Variants in MARCHF4 observed in about 807,000 individuals in gnomAD.
MARCHF4 encodes the protein membrane associated ring-CH-type finger 4, also known as E3 ubiquitin-protein ligase MARCHF4.
In MARCHF4, 14 loss-of-function variants were observed where a neutral mutation model predicts 43.9. The ratio of observed to expected loss-of-function variants is 0.32; its 90% confidence interval spans 0.21 to 0.50. The LOEUF is 0.50. Ranked by LOEUF, MARCHF4 falls within the 20% of genes least tolerant of loss-of-function variation. The pLI is 0.98. For missense variants in MARCHF4, 468 were observed against 536.7 expected (o/e 0.87, Z 1.27); for synonymous variants, 226 against 213.3 (o/e 1.06, Z -0.52).
At chr2:216,354,947 C>CTT (rs1255676804) in intron 1 of MARCHF4, among the ~76,000 whole-genome samples, 2 of 140,186 alleles carry the variant, frequency 1.4e-5, no homozygotes, top group Non-Finnish European at 3.0e-5. Context: ...TTCTTTCTTT[C>CTT]TTTCTTTCTT....
chr2:216,283,823 A>G (rs2249264), intron 1 of MARCHF4, 94 bp from the exon 2 acceptor site: 763,778 of 1,375,622 alleles, frequency 0.56, 215,033 homozygotes, highest in African/African-American at 0.8. Flanking sequence ...GCCTGGTTTG[A>G]GCCACCCAAG....
chr2:216,321,760 G>A (rs1428782942), intron 1 of MARCHF4: 1 of 152,166 alleles, frequency 6.6e-6, no homozygotes, highest in Admixed American at 6.5e-5. Flanking sequence ...CTTCCAATAT[G>A]TCTTCTGGAC....
chr2:216,275,150 A>G (rs536210679), intron 3 of MARCHF4, among the ~76,000 whole-genome samples: 1 of 152,360 alleles, frequency 6.6e-6, no homozygotes, highest in South Asian at 2.1e-4. Flanking sequence ...GCTTCTCCCA[A>G]TAAATTGAAG....
chr2:216,269,582 G>A (rs764670387), intron 3 of MARCHF4, among the ~76,000 whole-genome samples: 3 of 152,120 alleles, frequency 2.0e-5, no homozygotes, highest in East Asian at 1.9e-4. Context: ...TAACAGTTTC[G>A]GCAAACCTTT....
intron 1 of MARCHF4, among the ~76,000 whole-genome samples, chr2:216,302,622 G>C (rs537744002): frequency 6.6e-6 from 1 of 151,958 alleles, no homozygotes; most frequent in Non-Finnish European, 1.5e-5. Context: ...TTTAGGCCGG[G>C]TGTGGTGGTT....
At chr2:216,294,101 T>C (rs1301409738) in intron 1 of MARCHF4, among the ~76,000 whole-genome samples, 3 of 152,246 alleles carry the variant, frequency 2.0e-5, no homozygotes, top group Admixed American at 6.5e-5. Flanking sequence ...TATTTGCATA[T>C]GTTGGGCTGG....
At chr2:216,369,555 C>T (rs1395327773) in intron 1 of MARCHF4, among the ~76,000 whole-genome samples, 190 bp downstream of exon 1, 1 of 152,156 alleles carries the variant, frequency 6.6e-6, no homozygotes. Context: ...AACGAACCAC[C>T]AAACAGGCTC....
At chr2:216,361,211 C>G (rs1203690166) in intron 1 of MARCHF4, among the ~76,000 whole-genome samples, 3 of 152,064 alleles carry the variant, frequency 2.0e-5, no homozygotes. Flanking sequence ...CAGACTGACA[C>G]CACTAGAAAG....
At chr2:216,290,600 C>G (rs1407546436) in intron 1 of MARCHF4, among the ~76,000 whole-genome samples, 1 of 152,208 alleles carries the variant, frequency 6.6e-6, no homozygotes, top group South Asian at 2.1e-4. Flanking sequence ...ACTGGCTGCT[C>G]TATTGTAAAC....
chr2:216,287,835 C>T (rs971622830), intron 1 of MARCHF4, among the ~76,000 whole-genome samples: 2 of 151,940 alleles, frequency 1.3e-5, no homozygotes, highest in East Asian at 1.9e-4. Context: ...GGGAAACAGC[C>T]GCTTTGTTTT....
chr2:216,277,045 A>C (rs1691036738), intron 3 of MARCHF4, among the ~76,000 whole-genome samples: 1 of 152,216 alleles, frequency 6.6e-6, no homozygotes, highest in Admixed American at 6.5e-5. Flanking sequence ...AAATAGATAA[A>C]AGAACAGAAG....
intron 1 of MARCHF4, among the ~76,000 whole-genome samples, chr2:216,355,390 G>A (rs979879818): frequency 1.3e-5 from 2 of 152,162 alleles, no homozygotes; most frequent in African/African-American, 2.4e-5. Context: ...CCCACCTTCA[G>A]CAATGACATG....
At position 216,259,563 on chromosome 2, in the gene MARCHF4, C is replaced by A. The variant is rs781037941; in HGVS notation, c.982G>T (p.Ala328Ser). ...DKTKDLEDQKAGGRTNPRTSS... is the reference protein window; with the variant it reads ...DKTKDLEDQKSGGRTNPRTSS... ...GTCCGGGGGTTGGTCCTGCCTCCTG[C>A]CTTTTGATCCTCCAGGTCTTTTGTC... The change falls in exon 4 of 4, where the codon GCA becomes TCA. Residue 328 changes from alanine (A) to serine (S), a missense_variant. By Grantham distance (99) the Ala-to-Ser change is moderately conservative. Coordinates refer to ENST00000273067, the MANE Select transcript of MARCHF4 (RefSeq NM_020814.3). 5 of 1,614,188 alleles carry A rather than the reference C, an allele frequency of 3.1e-6. No homozygotes were observed. Among genetic ancestry groups the A allele is most frequent in the Non-Finnish European group, 3.4e-6 (4 of 1,180,032 alleles).
chr2:216,276,045 A>T (rs1691017040), intron 3 of MARCHF4, among the ~76,000 whole-genome samples: 1 of 152,198 alleles, frequency 6.6e-6, no homozygotes, highest in Non-Finnish European at 1.5e-5. Context: ...CTGAATGGGA[A>T]ATCAATGTTT....
At chr2:216,274,757 A>G (rs1281338161) in intron 3 of MARCHF4, among the ~76,000 whole-genome samples, 1 of 152,138 alleles carries the variant, frequency 6.6e-6, no homozygotes, top group Non-Finnish European at 1.5e-5. Context: ...TGAGACTTCT[A>G]CTCTGCTGTG....
intron 1 of MARCHF4, among the ~76,000 whole-genome samples, chr2:216,334,175 TG>T (rs1692123138): frequency 6.6e-6 from 1 of 152,062 alleles, no homozygotes; most frequent in Non-Finnish European, 1.5e-5. Flanking sequence ...CCCTTAAAAG[TG>T]GAAGAAGGCA....
intron 1 of MARCHF4, among the ~76,000 whole-genome samples, chr2:216,358,129 A>T (rs1316376354): frequency 3.9e-5 from 6 of 152,228 alleles, no homozygotes; most frequent in African/African-American, 1.4e-4. Context: ...AGTTAACCTC[A>T]CAACAACCTC....
intron 1 of MARCHF4, among the ~76,000 whole-genome samples, chr2:216,338,120 T>C (rs187093923): frequency 1.2e-4 from 18 of 152,318 alleles, no homozygotes; most frequent in African/African-American, 4.1e-4. Context: ...CCCTGTGGTA[T>C]AGACTTTATG....
intron 1 of MARCHF4, among the ~76,000 whole-genome samples, chr2:216,358,307 T>C (rs188521016): frequency 3.3e-5 from 5 of 152,326 alleles, no homozygotes; most frequent in Admixed American, 3.3e-4. Context: ...CCTTGCTAAT[T>C]TTCTCCAAAA....
Sources: gnomAD v4.1 joint callset for allele counts (sites outside exome capture counted in the v4.1 genomes callset) on GRCh38, gnomAD v4.1.1 for gene constraint, MANE v1.5 for transcripts, NCBI Gene and HGNC (gene_info 2026-07-23, HGNC 2026-07-21) for gene names.